Variants in CDH18 observed in about 807,000 individuals in gnomAD.
CDH18 encodes cadherin 18, also known as cadherin-18.
CDH18 carries 31 observed loss-of-function variants against 67.9 expected under a neutral mutation model. That is an observed-to-expected ratio of 0.46 (90% CI 0.34 to 0.62). The LOEUF (loss-of-function observed/expected upper bound fraction) is 0.62, where lower values mean the gene tolerates loss of function less well. CDH18 is among the 20% of genes least tolerant of loss of function. CDH18 has a pLI of 0.01. For synonymous variants in CDH18, 362 were observed against 347.2 expected, an observed-to-expected ratio of 1.04 and a Z score of -0.48; for missense variants, 890 against 975.5, an observed-to-expected ratio of 0.91 and a Z score of 1.17.
At chr5:19,879,158 T>G (rs1056854926) in intron 2 of CDH18, among the ~76,000 whole-genome samples, 1 of 152,070 alleles carries the variant, frequency 6.6e-6, no homozygotes, top group African/African-American at 2.4e-5. Flanking sequence ...ACTTAGTGCT[T>G]TAATCTAAGC....
intron 2 of CDH18, among the ~76,000 whole-genome samples, chr5:20,206,156 T>C (rs887766760): frequency 4.6e-5 from 7 of 151,982 alleles, no homozygotes; most frequent in Non-Finnish European, 7.4e-5. Flanking sequence ...AAATGAGTTA[T>C]AGCAACTTAT....
chr5:19,900,284 T>C (rs149419204), intron 2 of CDH18, among the ~76,000 whole-genome samples: 10 of 152,120 alleles, frequency 6.6e-5, no homozygotes, highest in Non-Finnish European at 1.0e-4. Flanking sequence ...AGTGGGTACA[T>C]ACAAAATTAC....
At chr5:19,975,413 T>C (rs941507805) in intron 2 of CDH18, among the ~76,000 whole-genome samples, 1 of 152,090 alleles carries the variant, frequency 6.6e-6, no homozygotes, top group African/African-American at 2.4e-5. Context: ...AAAATAAGTA[T>C]GAAGAAAAGT....
intron 2 of CDH18, among the ~76,000 whole-genome samples, chr5:19,980,831 A>T (rs960454909): frequency 1.3e-5 from 2 of 152,158 alleles, no homozygotes; most frequent in Non-Finnish European, 2.9e-5. Context: ...CTCAATCAAT[A>T]TATGTGCAAA....
At chr5:20,439,807 C>T (rs1314214162) in intron 1 of CDH18, among the ~76,000 whole-genome samples, 1 of 151,614 alleles carries the variant, frequency 6.6e-6, no homozygotes, top group Non-Finnish European at 1.5e-5. Context: ...GAAGACTTGT[C>T]ATAGTATGTT....
chr5:20,398,560 G>C (rs528434799), intron 1 of CDH18, among the ~76,000 whole-genome samples: 1 of 152,202 alleles, frequency 6.6e-6, no homozygotes, highest in African/African-American at 2.4e-5. Context: ...GCAATGAAAC[G>C]TCCTAATGCG....
At chr5:19,990,414 G>T (rs1402597317), upstream of CDH18, among the ~76,000 whole-genome samples, 1 of 152,132 alleles carries the variant, frequency 6.6e-6, no homozygotes, top group Non-Finnish European at 1.5e-5. Context: ...TTCCTTGGTG[G>T]TTTTCCCTGG....
At chr5:19,615,017 C>T (rs1011178102) in intron 5 of CDH18, among the ~76,000 whole-genome samples, 11 of 151,760 alleles carry the variant, frequency 7.2e-5, no homozygotes, top group Non-Finnish European at 1.5e-4. Context: ...CGTGGTGGCA[C>T]GAGCCTGTAG....
intron 3 of CDH18, among the ~76,000 whole-genome samples, chr5:19,803,403 TATTTAA>T (rs1561332065): frequency 6.6e-6 from 1 of 152,228 alleles, no homozygotes; most frequent in African/African-American, 2.4e-5. Flanking sequence ...CTTAGACACA[TATTTAA>T]ATTTAAAGTA....
intron 1 of CDH18, among the ~76,000 whole-genome samples, chr5:20,330,965 G>C (rs560814567): frequency 6.6e-6 from 1 of 152,314 alleles, no homozygotes; most frequent in South Asian, 2.1e-4. Flanking sequence ...GGCAAGAATT[G>C]AGCTTGCTGT....
chr5:20,237,087 T>A (rs1042588259), intron 2 of CDH18, among the ~76,000 whole-genome samples: 1 of 151,992 alleles, frequency 6.6e-6, no homozygotes, highest in African/African-American at 2.4e-5. Context: ...AAGCTCAATA[T>A]AGTTTTTTAT....
At chr5:19,691,970 C>A (rs1387453826) in intron 5 of CDH18, among the ~76,000 whole-genome samples, 1 of 151,900 alleles carries the variant, frequency 6.6e-6, no homozygotes, top group Non-Finnish European at 1.5e-5. Flanking sequence ...TATTACCTGA[C>A]TTCAGAATAT....
At position 19,735,428 on chromosome 5, in the gene CDH18, G is replaced by A. The variant is rs190544465; in HGVS notation, c.523+11514C>T. 5.3e-3 allele frequency among the ~76,000 whole-genome samples: 755 copies of A among 141,830 alleles called. 8 individuals are homozygous for A. Among genetic ancestry groups the A allele is most frequent in the African/African-American group, 0.019 (724 of 37,920 alleles). 93.0% of individuals were successfully genotyped at this position (141,830 alleles called of 152,430 possible). ...TTTTTTTTTTTTGAGACGGAGTCTC[G>A]CTCTGTCGCCCAGGCTGGAATGCAG... On this transcript the variant is annotated intron_variant, in intron 4 of 12. Coordinates refer to ENST00000382275, the MANE Select transcript of CDH18 (RefSeq NM_004934.5).
intron 2 of CDH18, among the ~76,000 whole-genome samples, chr5:19,876,749 T>A (rs957569225): frequency 2.6e-5 from 4 of 152,112 alleles, no homozygotes; most frequent in African/African-American, 9.7e-5. Flanking sequence ...TTCAGTTATT[T>A]AGTGACCAGA....
intron 1 of CDH18, among the ~76,000 whole-genome samples, chr5:20,297,405 C>A (rs1173344724): frequency 6.6e-6 from 1 of 152,192 alleles, no homozygotes; most frequent in African/African-American, 2.4e-5. Context: ...AGTCTGACAC[C>A]AAAGCATAAA....
chr5:19,658,260 T>C (rs997704061), intron 5 of CDH18, among the ~76,000 whole-genome samples: 3 of 152,120 alleles, frequency 2.0e-5, no homozygotes, highest in African/African-American at 4.8e-5. Flanking sequence ...CAAAGAATTA[T>C]AGCATGTCTA....
At chr5:19,992,770 T>C (rs1800056263), upstream of CDH18, among the ~76,000 whole-genome samples, 2 of 152,006 alleles carry the variant, frequency 1.3e-5, no homozygotes, top group African/African-American at 2.4e-5. Context: ...AAAAAGTATA[T>C]GATTTCTACA....
intron 2 of CDH18, among the ~76,000 whole-genome samples, chr5:20,197,884 C>T (rs541061969): frequency 8.1e-4 from 123 of 152,162 alleles, no homozygotes; most frequent in Non-Finnish European, 1.4e-3. Context: ...TATAATAATC[C>T]CCATGTGTCA....
intron 3 of CDH18, among the ~76,000 whole-genome samples, chr5:19,760,870 GCA>G (rs1467615034): frequency 5.3e-5 from 8 of 152,192 alleles, no homozygotes; most frequent in Non-Finnish European, 1.2e-4. Flanking sequence ...GCCTCAGGCA[GCA>G]CAGAGTTTAT....
Sources: allele counts gnomAD v4.1 joint callset (sites outside exome capture counted in the v4.1 genomes callset), GRCh38; gene constraint gnomAD v4.1.1; transcripts MANE v1.5; gene names NCBI Gene and HGNC (gene_info 2026-07-23, HGNC 2026-07-21).